Variants in CNTN5 observed in about 807,000 individuals in gnomAD.
The protein encoded by CNTN5 is contactin-5.
CNTN5 carries 77 observed loss-of-function variants against 129.1 expected under a neutral mutation model. The ratio of observed to expected loss-of-function variants is 0.60; its 90% confidence interval spans 0.50 to 0.72. The LOEUF (loss-of-function observed/expected upper bound fraction) is 0.72, where lower values mean the gene tolerates loss of function less well. Ranked by LOEUF, CNTN5 falls within the 30% of genes least tolerant of loss-of-function variation. CNTN5 has a pLI of 0.00. For missense variants in CNTN5, 1,478 were observed against 1,328.8 expected (o/e 1.11, Z -1.75); for synonymous variants, 509 against 465.6 (o/e 1.09, Z -1.20).
intron 3 of CNTN5, among the ~76,000 whole-genome samples, chr11:99,617,930 C>T (rs2135751371): frequency 6.6e-6 from 1 of 152,234 alleles, no homozygotes; most frequent in Admixed American, 6.5e-5. Context: ...ACATATTACT[C>T]AACAACAAAG....
intron 19 of CNTN5, 42 bp downstream of exon 19, chr11:100,297,737 G>C: frequency 7.1e-7 from 1 of 1,398,862 alleles, no homozygotes; most frequent in Non-Finnish European, 1.0e-6. Context: ...CCACGTGTTT[G>C]TTTGGCTTAG....
chr11:100,165,650 C>G (rs1947607054), intron 13 of CNTN5, among the ~76,000 whole-genome samples: 1 of 151,734 alleles, frequency 6.6e-6, no homozygotes, highest in African/African-American at 2.4e-5. Flanking sequence ...GAATCATCTT[C>G]CATCACATAA....
chr11:99,748,067 A>T (rs933092917), intron 3 of CNTN5, among the ~76,000 whole-genome samples: 1 of 152,080 alleles, frequency 6.6e-6, no homozygotes, highest in African/African-American at 2.4e-5. Context: ...ATCCCATCCA[A>T]TCATAGTGAA....
At chr11:99,647,589 G>C (rs977289711) in intron 3 of CNTN5, among the ~76,000 whole-genome samples, 8 of 151,648 alleles carry the variant, frequency 5.3e-5, no homozygotes, top group African/African-American at 1.9e-4. Context: ...TTTGTATTTT[G>C]ATAGAAATTG....
chr11:100,227,409 A>C (rs567528317), intron 16 of CNTN5, among the ~76,000 whole-genome samples: 1 of 152,240 alleles, frequency 6.6e-6, no homozygotes, highest in African/African-American at 2.4e-5. Context: ...GTTTCTGAGT[A>C]GTAATGTTCC....
intron 21 of CNTN5, 35 bp downstream of exon 21, chr11:100,308,503 T>A (rs1259185621): frequency 6.3e-7 from 1 of 1,582,368 alleles, no homozygotes; most frequent in Non-Finnish European, 8.6e-7. Context: ...AGCCTTATTG[T>A]TTCTTCTGAC....
chr11:100,280,728 T>A (rs1240436309), intron 18 of CNTN5, among the ~76,000 whole-genome samples: 1 of 152,126 alleles, frequency 6.6e-6, no homozygotes, highest in Non-Finnish European at 1.5e-5. Flanking sequence ...TTATTATTTG[T>A]TTTCTGGTTG....
chr11:100,178,352 G>A (rs144561115), intron 13 of CNTN5, among the ~76,000 whole-genome samples: 11 of 151,748 alleles, frequency 7.2e-5, no homozygotes, highest in East Asian at 3.9e-4. Context: ...TAAAATCTTC[G>A]TCTACTTCCT....
At chr11:100,248,581 G>T (rs939822510) in intron 16 of CNTN5, among the ~76,000 whole-genome samples, 2 of 151,908 alleles carry the variant, frequency 1.3e-5, no homozygotes, top group African/African-American at 2.4e-5. Context: ...AAGCAGGAAA[G>T]TCCTTAAAAT....
chr11:99,212,591 T>A (rs67583350), intron 1 of CNTN5, among the ~76,000 whole-genome samples: 1 of 151,954 alleles, frequency 6.6e-6, no homozygotes, highest in African/African-American at 2.4e-5. Context: ...TAAACGGACC[T>A]CCCATCTTCT....
At chr11:99,131,847 C>G (rs555740685) in intron 1 of CNTN5, among the ~76,000 whole-genome samples, 1 of 152,148 alleles carries the variant, frequency 6.6e-6, no homozygotes, top group Non-Finnish European at 1.5e-5. Context: ...ACCATTTCTT[C>G]TGAAACTATT....
At chr11:99,984,733 A>G (rs929042976) in intron 8 of CNTN5, among the ~76,000 whole-genome samples, 1 of 152,234 alleles carries the variant, frequency 6.6e-6, no homozygotes, top group Non-Finnish European at 1.5e-5. Flanking sequence ...CATATTTGGA[A>G]AATAGCAAGC....
intron 1 of CNTN5, among the ~76,000 whole-genome samples, chr11:99,223,177 T>C (rs1336569404): frequency 2.6e-5 from 4 of 152,176 alleles, no homozygotes; most frequent in Non-Finnish European, 4.4e-5. Context: ...TATATTATCC[T>C]ATCCTATTCT....
chr11:99,960,528 C>T (rs979737461), intron 8 of CNTN5, among the ~76,000 whole-genome samples: 2 of 152,008 alleles, frequency 1.3e-5, no homozygotes, highest in Non-Finnish European at 1.5e-5. Context: ...TAAGCCACTT[C>T]CTAGACATGT....
At chr11:100,009,438 A>G (rs1940390414) in intron 9 of CNTN5, among the ~76,000 whole-genome samples, 1 of 143,360 alleles carries the variant, frequency 7.0e-6, no homozygotes, top group African/African-American at 2.5e-5. Context: ...GGCTTGGGTA[A>G]CACAGCAAAG....
intron 1 of CNTN5, among the ~76,000 whole-genome samples, chr11:99,324,878 T>C (rs1865715937): frequency 6.6e-6 from 1 of 152,168 alleles, no homozygotes; most frequent in Admixed American, 6.6e-5. Context: ...CCTGACCTCG[T>C]GATCCGCCTG....
chr11:100,235,077 C>A (rs539126428), intron 16 of CNTN5, among the ~76,000 whole-genome samples: 2 of 152,044 alleles, frequency 1.3e-5, no homozygotes, highest in Admixed American at 1.3e-4. Flanking sequence ...AACAAAATGG[C>A]CTTTAATGTT....
At chr11:100,282,667 C>A (rs1591471630) in intron 18 of CNTN5, among the ~76,000 whole-genome samples, 1 of 152,340 alleles carries the variant, frequency 6.6e-6, no homozygotes, top group Non-Finnish European at 1.5e-5. Flanking sequence ...TCCTTCCTTT[C>A]AGGGTGGTGA....
chr11:99,163,819 AT>A (rs1860736502), intron 1 of CNTN5, among the ~76,000 whole-genome samples: 1 of 152,118 alleles, frequency 6.6e-6, no homozygotes, highest in Non-Finnish European at 1.5e-5. Context: ...CCATGCAGAG[AT>A]TTTGAGTGTA....
Sources: gnomAD v4.1 joint callset for allele counts (sites outside exome capture counted in the v4.1 genomes callset) on GRCh38, gnomAD v4.1.1 for gene constraint, MANE v1.5 for transcripts, NCBI Gene and HGNC (gene_info 2026-07-23, HGNC 2026-07-21) for gene names.